Variants in CTNND2 observed in about 807,000 individuals in gnomAD.
CTNND2 encodes catenin delta-2.
CTNND2 carries 22 observed loss-of-function variants against 144.4 expected under a neutral mutation model. The observed-to-expected ratio is 0.15, with a 90% CI of 0.11 to 0.22. The LOEUF (loss-of-function observed/expected upper bound fraction) is 0.22. CTNND2 is among the 10% of genes least tolerant of loss of function. CTNND2 has a pLI of 1.00. For synonymous variants in CTNND2, 751 were observed against 695.6 expected, an observed-to-expected ratio of 1.08 and a Z score of -1.25; for missense variants, 1,353 against 1,618.8, an observed-to-expected ratio of 0.84 and a Z score of 2.82.
At chr5:11,607,107 A>G (rs1049308062) in intron 2 of CTNND2, among the ~76,000 whole-genome samples, 1 of 152,204 alleles carries the variant, frequency 6.6e-6, no homozygotes, top group Admixed American at 6.5e-5. Context: ...GGAACACCAA[A>G]GACTTCCAGC....
At chr5:11,896,900 T>C (rs1162384451) in intron 1 of CTNND2, among the ~76,000 whole-genome samples, 1 of 152,222 alleles carries the variant, frequency 6.6e-6, no homozygotes, top group African/African-American at 2.4e-5. Context: ...AATATATCTA[T>C]GCACCTGCTA....
intron 2 of CTNND2, among the ~76,000 whole-genome samples, chr5:11,592,628 T>G (rs1001929293): frequency 1.3e-5 from 2 of 150,544 alleles, no homozygotes; most frequent in East Asian, 3.9e-4. Context: ...AAAAAAAAAA[T>G]CTTTGCAGAC....
At chr5:11,782,300 G>A (rs1790582220) in intron 1 of CTNND2, among the ~76,000 whole-genome samples, 2 of 152,032 alleles carry the variant, frequency 1.3e-5, no homozygotes. Context: ...ATGCAATTGG[G>A]CTCATGCAAA....
intron 9 of CTNND2, among the ~76,000 whole-genome samples, chr5:11,287,919 A>G (rs893913690): frequency 6.6e-6 from 1 of 152,130 alleles, no homozygotes; most frequent in East Asian, 1.9e-4. Context: ...CGAATTACCA[A>G]TTTTCCTCAG....
chr5:11,197,821 C>A (rs182287360), intron 11 of CTNND2, among the ~76,000 whole-genome samples: 2 of 152,184 alleles, frequency 1.3e-5, no homozygotes, highest in Non-Finnish European at 2.9e-5. Flanking sequence ...ACCTTTGGCA[C>A]GTGGCTGAGT....
Position 11,117,520 on chromosome 5 carries a change from C to T in CTNND2, c.2207G>A (p.Cys736Tyr), listed in dbSNP as rs777838495. Residue 736 changes from cysteine (C) to tyrosine (Y), a missense_variant, in exon 13 of 22, where the codon TGT becomes TAT. Coordinates refer to ENST00000304623, the MANE Select transcript of CTNND2 (RefSeq NM_001332.4). ...GEEARRRMRE[C>Y]DGLTDALLYV... ...CAGCAAGGCATCCGTAAGCCCATCACACTCTCTCATCCTTCTGCGGGCCTC... is the reference window on the plus strand; with the variant it reads ...CAGCAAGGCATCCGTAAGCCCATCATACTCTCTCATCCTTCTGCGGGCCTC... The T allele has an allele frequency of 6.2e-7, 1 of 1,614,186 alleles. No homozygotes were observed. The highest frequency in any genetic ancestry group is 1.1e-5 in the South Asian group (1 of 91,084).
intron 2 of CTNND2, among the ~76,000 whole-genome samples, chr5:11,701,636 C>T (rs1003438603): frequency 3.3e-5 from 5 of 151,762 alleles, no homozygotes; most frequent in African/African-American, 1.2e-4. Flanking sequence ...GTATTAAAAC[C>T]CCAAAAGAAC....
intron 16 of CTNND2, among the ~76,000 whole-genome samples, chr5:11,081,480 AT>A (rs1454677707): frequency 6.6e-6 from 1 of 152,188 alleles, no homozygotes; most frequent in Non-Finnish European, 1.5e-5. Flanking sequence ...ATTTGGGAAT[AT>A]TGGCAGAATA....
At chr5:11,433,687 C>T (rs1181454812) in intron 3 of CTNND2, among the ~76,000 whole-genome samples, 4 of 152,122 alleles carry the variant, frequency 2.6e-5, no homozygotes, top group Non-Finnish European at 5.9e-5. Flanking sequence ...CTTCTGTGAA[C>T]GAAGAGTGAG....
At chr5:11,844,351 T>C (rs890200723) in intron 1 of CTNND2, among the ~76,000 whole-genome samples, 1 of 150,324 alleles carries the variant, frequency 6.7e-6, no homozygotes, top group Non-Finnish European at 1.5e-5. Flanking sequence ...AAGGGATGGA[T>C]AGACTGAAAT....
intron 12 of CTNND2, among the ~76,000 whole-genome samples, chr5:11,124,771 T>G (rs1019712473): frequency 1.3e-5 from 2 of 152,192 alleles, no homozygotes; most frequent in Non-Finnish European, 2.9e-5. Context: ...ACTCCTGATA[T>G]TTTGTTCCAA....
chr5:11,530,872 T>A (rs1159707123), intron 3 of CTNND2, among the ~76,000 whole-genome samples: 1 of 152,218 alleles, frequency 6.6e-6, no homozygotes, highest in Non-Finnish European at 1.5e-5. Flanking sequence ...GTTTTTTAAC[T>A]GCTGATTATC....
chr5:11,659,148 C>T (rs941486148), intron 2 of CTNND2, among the ~76,000 whole-genome samples: 1 of 151,950 alleles, frequency 6.6e-6, no homozygotes, highest in African/African-American at 2.4e-5. Flanking sequence ...AAAAATAAAA[C>T]AATACAAATA....
intron 1 of CTNND2, among the ~76,000 whole-genome samples, chr5:11,837,903 G>A (rs1470012297): frequency 1.3e-5 from 2 of 152,066 alleles, no homozygotes; most frequent in Admixed American, 1.3e-4. Flanking sequence ...ACAATCAAAT[G>A]TATATATTTT....
chr5:11,283,531 G>A (rs985214321), intron 9 of CTNND2, among the ~76,000 whole-genome samples: 5 of 151,714 alleles, frequency 3.3e-5, no homozygotes, highest in Non-Finnish European at 5.9e-5. Context: ...AAAATTAGCG[G>A]GGTGTGGTGG....
intron 2 of CTNND2, among the ~76,000 whole-genome samples, chr5:11,641,780 A>G (rs1315614141): frequency 6.9e-6 from 1 of 145,090 alleles, no homozygotes; most frequent in African/African-American, 2.5e-5. Context: ...ATATGTATGT[A>G]CATACATACA....
At chr5:11,402,946 C>T (rs6554627) in intron 5 of CTNND2, among the ~76,000 whole-genome samples, 26,372 of 152,106 alleles carry the variant, frequency 0.17, 4,468 homozygotes, top group African/African-American at 0.44. Flanking sequence ...TTAATTAGTA[C>T]GCTTTTCCAA....
intron 13 of CTNND2, among the ~76,000 whole-genome samples, chr5:11,111,986 A>G (rs1742405470): frequency 6.6e-6 from 1 of 151,398 alleles, no homozygotes; most frequent in Admixed American, 6.6e-5. Context: ...AGCTGGGACT[A>G]CAGGCACCCG....
chr5:11,493,796 G>A lies in CTNND2; in HGVS notation c.287+71148C>T, dbSNP rs1370253229. ...AGGTTTTACTTAATGTCTTATTTCA[G>A]AAGAACATGCTATTCTTTTAAGAAA... On this transcript the variant is annotated intron_variant, in intron 3 of 21. Transcript: ENST00000304623. 6.6e-5 allele frequency among the ~76,000 whole-genome samples: 10 copies of A among 152,104 alleles called. No homozygotes were observed. The East Asian group carries it at 1.9e-3, about 29-fold the overall frequency.
Sources: gnomAD v4.1 joint callset for allele counts (sites outside exome capture counted in the v4.1 genomes callset) on GRCh38, gnomAD v4.1.1 for gene constraint, MANE v1.5 for transcripts, NCBI Gene and HGNC (gene_info 2026-07-23, HGNC 2026-07-21) for gene names.